EGLN1: variants seen among roughly 807,000 people sequenced by gnomAD.
The protein encoded by EGLN1 is egl nine homolog 1.
A neutral mutation model predicts 38.3 loss-of-function variants in EGLN1; 17 were observed. That is an observed-to-expected ratio of 0.44 (90% CI 0.30 to 0.67). The LOEUF is 0.67. EGLN1 is among the 30% of genes least tolerant of loss of function. The pLI is 0.08. For missense variants in EGLN1, 477 were observed against 603.3 expected (o/e 0.79, Z 2.19); for synonymous variants, 283 against 257.5 (o/e 1.10, Z -0.95).
At position 231,377,939 on chromosome 1, in the gene EGLN1, A is replaced by G. The variant is rs192401673; in HGVS notation, c.892-3840T>C. Among the ~76,000 whole-genome samples the G allele has an allele frequency of 9.8e-5, 15 of 152,364 alleles. No homozygotes were observed. In the East Asian group the frequency reaches 2.9e-3, roughly 29 times the overall value. On this transcript the variant is annotated intron_variant, in intron 1 of 4. Transcript: ENST00000366641. ...AAGTTTTAAATCTCACGTTTTGAAGAAAAGTTTTAATAAATTTAATGTAAT... is the reference window on the plus strand; with the variant it reads ...AAGTTTTAAATCTCACGTTTTGAAGGAAAGTTTTAATAAATTTAATGTAAT...
rs143735382 is a variant in EGLN1 at position 231,378,575 on chromosome 1, C to T, written c.892-4476G>A. ...CCTCCCAAAGTGCTAGGACTACAGG[C>T]GTGAGACACCGTGCCTGGCTGATTG... On this transcript the variant is annotated intron_variant, in intron 1 of 4. Coordinates refer to ENST00000366641, the MANE Select transcript of EGLN1 (RefSeq NM_022051.3). Among the ~76,000 whole-genome samples, 1,302 of 152,218 alleles carry T rather than the reference C, an allele frequency of 8.6e-3. 27 individuals carry two copies. Among genetic ancestry groups the T allele is most frequent in the African/African-American group, 0.03 (1,259 of 41,526 alleles).
In EGLN1 at chr1:231,420,449, C is replaced by T. The variant is rs1656541238; in HGVS notation, c.891+549G>A. 3 of 175,256 alleles carry T rather than the reference C, an allele frequency of 1.7e-5. No individual in the cohort carries two copies. In the South Asian group the frequency reaches 3.4e-4, roughly 20 times the overall value. The allele number at this position is 175,256 out of a possible 1,614,324, so 10.9% of individuals were successfully genotyped here. On this transcript the variant is annotated intron_variant, in intron 1 of 4. Coordinates refer to ENST00000366641, the MANE Select transcript of EGLN1 (RefSeq NM_022051.3). ...GGGGGAGGGGAGTAGCCAAGCTCTT[C>T]CTGAATACAGAGTCTTTCGACTAAA...
intron 1 of EGLN1, among the ~76,000 whole-genome samples, chr1:231,405,919 T>G (rs561134965): frequency 1.0e-3 from 157 of 152,148 alleles, no homozygotes; most frequent in Non-Finnish European, 1.8e-3. Context: ...TAGAAACTAT[T>G]TTAATATAAA....
chr1:231,407,544 T>C (rs1688829466), intron 1 of EGLN1, among the ~76,000 whole-genome samples: 1 of 152,160 alleles, frequency 6.6e-6, no homozygotes, highest in Non-Finnish European at 1.5e-5. Context: ...TTCTAGGTCT[T>C]ATAAAAAGGG....
chr1:231,402,413 A>G (rs948713924), intron 1 of EGLN1, among the ~76,000 whole-genome samples: 4 of 151,278 alleles, frequency 2.6e-5, no homozygotes, highest in African/African-American at 9.7e-5. Flanking sequence ...GTTTTCTTTT[A>G]AAGTTTTATG....
At chr1:231,386,937 T>A (rs1406569943) in intron 1 of EGLN1, among the ~76,000 whole-genome samples, 1 of 152,142 alleles carries the variant, frequency 6.6e-6, no homozygotes, top group Non-Finnish European at 1.5e-5. Context: ...CATAGCTCAC[T>A]ACAACCTCAA....
At chr1:231,386,552 ACTT>A (rs1455032433) in intron 1 of EGLN1, among the ~76,000 whole-genome samples, 1 of 102,360 alleles carries the variant, frequency 9.8e-6, no homozygotes, top group Non-Finnish European at 2.6e-5. Context: ...TAGAAAAGTT[ACTT>A]AATTATTTAT....
At chr1:231,378,937 G>A (rs1192621688) in intron 1 of EGLN1, among the ~76,000 whole-genome samples, 1 of 152,110 alleles carries the variant, frequency 6.6e-6, no homozygotes, top group Non-Finnish European at 1.5e-5. Context: ...CTTTTGTAGA[G>A]GCTGACAGCT....
At chr1:231,382,892 T>C (rs1688107385) in intron 1 of EGLN1, among the ~76,000 whole-genome samples, 1 of 151,796 alleles carries the variant, frequency 6.6e-6, no homozygotes, top group Admixed American at 6.6e-5. Flanking sequence ...ACCCCATCTT[T>C]ACTAAAAATA....
intron 3 of EGLN1, among the ~76,000 whole-genome samples, chr1:231,369,004 C>T (rs1249296555): frequency 6.6e-6 from 1 of 152,150 alleles, no homozygotes; most frequent in Non-Finnish European, 1.5e-5. Context: ...CTTTTAGTCA[C>T]TTAGCAATCA....
intron 1 of EGLN1, among the ~76,000 whole-genome samples, chr1:231,415,887 G>A (rs1019265883): frequency 4.7e-5 from 7 of 148,600 alleles, no homozygotes; most frequent in African/African-American, 1.8e-4. Flanking sequence ...TCGCTCTGTC[G>A]CCCGGGCTGG....
intron 1 of EGLN1, among the ~76,000 whole-genome samples, chr1:231,416,130 C>T (rs1037886189): frequency 1.8e-4 from 27 of 152,090 alleles, no homozygotes; most frequent in Admixed American, 1.7e-3. Flanking sequence ...GGGTAACAGG[C>T]GTGAGCCACC....
chr1:231,419,237 G>A (rs1487221353), intron 1 of EGLN1, among the ~76,000 whole-genome samples: 1 of 152,188 alleles, frequency 6.6e-6, no homozygotes, highest in Non-Finnish European at 1.5e-5. Context: ...AACTCTTGAG[G>A]AAGGAGGTAC....
chr1:231,379,958 T>C lies in EGLN1; in HGVS notation c.892-5859A>G, dbSNP rs536034916. 7.2e-5 allele frequency among the ~76,000 whole-genome samples: 11 copies of C among 152,302 alleles called. No individual in the cohort carries two copies. In the South Asian group the frequency reaches 2.1e-3, roughly 29 times the overall value. On this transcript the variant is annotated intron_variant, in intron 1 of 4. Coordinates refer to ENST00000366641, the MANE Select transcript of EGLN1 (RefSeq NM_022051.3). ...AAGCACACATACACATCACTATCACTACCTTGGGGGTCTACAAAAATCTAG... is the reference window on the plus strand; with the variant it reads ...AAGCACACATACACATCACTATCACCACCTTGGGGGTCTACAAAAATCTAG...
At chr1:231,420,918 A>G in intron 1 of EGLN1, 80 bp downstream of exon 1, 1 of 1,612,178 alleles carries the variant, frequency 6.2e-7, no homozygotes, top group Non-Finnish European at 8.5e-7. Context: ...GCTGCTTCTC[A>G]GCCTAGGCAG....
chr1:231,381,173 C>T (rs1051466112), intron 1 of EGLN1, among the ~76,000 whole-genome samples: 1 of 152,144 alleles, frequency 6.6e-6, no homozygotes, highest in Non-Finnish European at 1.5e-5. Context: ...TCACAAAGTA[C>T]TGGGATTACA....
At chr1:231,407,208 T>G (rs560117687) in intron 1 of EGLN1, among the ~76,000 whole-genome samples, 45 of 152,314 alleles carry the variant, frequency 3.0e-4, no homozygotes, top group African/African-American at 1.0e-3. Flanking sequence ...CACTCCACCA[T>G]GGCCCTCTTT....
At chr1:231,388,239 C>T (rs1043448352) in intron 1 of EGLN1, among the ~76,000 whole-genome samples, 1 of 150,816 alleles carries the variant, frequency 6.6e-6, no homozygotes, top group African/African-American at 2.4e-5. Flanking sequence ...AGGATGGAGG[C>T]CTCACATTTG....
intron 1 of EGLN1, among the ~76,000 whole-genome samples, chr1:231,384,832 T>C (rs1354528260): frequency 6.6e-6 from 1 of 152,244 alleles, no homozygotes. Context: ...ATATTCTCTA[T>C]GGCTGCTTTT....
Sources: gnomAD v4.1 joint callset for allele counts (sites outside exome capture counted in the v4.1 genomes callset) on GRCh38, gnomAD v4.1.1 for gene constraint, MANE v1.5 for transcripts, NCBI Gene and HGNC (gene_info 2026-07-23, HGNC 2026-07-21) for gene names.